Variants in WWTR1 observed in about 807,000 individuals in gnomAD.
WWTR1 encodes WW domain containing transcription regulator 1.
In WWTR1, 13 loss-of-function variants were observed where a neutral mutation model predicts 40.1. The ratio of observed to expected loss-of-function variants is 0.32; its 90% CI spans 0.21 to 0.52. The LOEUF (loss-of-function observed/expected upper bound fraction) is 0.52, where lower values mean the gene tolerates loss of function less well. Ranked by LOEUF, WWTR1 falls within the 20% of genes least tolerant of loss-of-function variation. The pLI is 0.97. For synonymous variants in WWTR1, 230 were observed against 210.1 expected (o/e 1.09, Z -0.82); for missense variants, 436 against 523.1 (o/e 0.83, Z 1.63).
chr3:149,528,030 G>A lies in WWTR1; in HGVS notation c.772-61C>T, dbSNP rs1576538003. The A allele has an allele frequency of 1.9e-6, 3 of 1,557,102 alleles. No homozygotes were observed. The East Asian group carries it at 6.8e-5, about 35-fold the overall frequency. On this transcript the variant is annotated intron_variant, in intron 4 of 6. Coordinates refer to ENST00000360632, the MANE Select transcript of WWTR1 (RefSeq NM_015472.6). ...ATTGTCACAAGGCATGGAGCAAAGT[G>A]TACTTCACATCAAAACTTTTCACCA...
At chr3:149,534,854 G>T (rs1365856158) in intron 4 of WWTR1, among the ~76,000 whole-genome samples, 2 of 152,206 alleles carry the variant, frequency 1.3e-5, no homozygotes, top group African/African-American at 4.8e-5. Context: ...GAGGACGGGT[G>T]ATGTGTAAAA....
upstream of WWTR1, among the ~76,000 whole-genome samples, chr3:149,704,997 C>T (rs4393851): frequency 0.85 from 129,586 of 151,998 alleles, 55,633 homozygotes; most frequent in African/African-American, 0.94. Context: ...GTTATAAGAA[C>T]AGGATGAAAT....
intron 3 of WWTR1, among the ~76,000 whole-genome samples, chr3:149,543,103 C>T (rs1427414533): frequency 6.6e-6 from 1 of 152,164 alleles, no homozygotes; most frequent in Non-Finnish European, 1.5e-5. Flanking sequence ...ATGAGCTAAA[C>T]TCAGGAACAA....
At chr3:149,542,854 A>T (rs1335461627) in intron 3 of WWTR1, among the ~76,000 whole-genome samples, 1 of 152,062 alleles carries the variant, frequency 6.6e-6, no homozygotes, top group Admixed American at 6.6e-5. Context: ...AAAGGTTATC[A>T]CAAGTTATGA....
chr3:149,535,190 T>C (rs1406940008), intron 4 of WWTR1, among the ~76,000 whole-genome samples: 2 of 151,302 alleles, frequency 1.3e-5, no homozygotes, highest in African/African-American at 4.9e-5. Flanking sequence ...CATGGAAGAT[T>C]GGATTGTTTT....
chr3:149,562,121 C>T (rs1737109320), intron 3 of WWTR1, among the ~76,000 whole-genome samples: 1 of 151,970 alleles, frequency 6.6e-6, no homozygotes, highest in South Asian at 2.1e-4. Flanking sequence ...ATGGTGAAAC[C>T]CTGTCTCTAC....
intron 2 of WWTR1, among the ~76,000 whole-genome samples, chr3:149,580,902 G>A (rs1208447134): frequency 6.6e-6 from 1 of 152,168 alleles, no homozygotes; most frequent in Non-Finnish European, 1.5e-5. Context: ...GTGAGCCACC[G>A]CGCCTGGCGA....
At chr3:149,680,817 G>T (rs960679687) in intron 1 of WWTR1, among the ~76,000 whole-genome samples, 2 of 152,156 alleles carry the variant, frequency 1.3e-5, no homozygotes, top group African/African-American at 4.8e-5. Context: ...ACTCCAGCCT[G>T]AATGACAGAG....
intron 1 of WWTR1, among the ~76,000 whole-genome samples, chr3:149,678,474 G>A (rs1184401104): frequency 1.3e-5 from 2 of 152,124 alleles, no homozygotes; most frequent in African/African-American, 2.4e-5. Flanking sequence ...GTTAATCACA[G>A]GAAGCAGTGA....
rs1713281227 is a variant in WWTR1, at chr3:149,657,069, C to G, written c.238G>C (p.Gly80Arg). The G allele has an allele frequency of 6.4e-7, 1 of 1,570,138 alleles. No individual in the cohort carries two copies. The highest frequency in any genetic ancestry group is 1.3e-5 in the African/African-American group (1 of 74,546). ...SGGHPGPRLA[G>R]GAQHVRSHSS... ...TGCGAGCGGACATGCTGGGCACCCC[C>G]AGCCAGTCGAGGCCCCGGGTGGCCG... is the stretch of plus-strand genomic sequence containing the variant. Residue 80 changes from glycine (G) to arginine (R), a missense_variant, in exon 2 of 7, where the codon GGG becomes CGG. By Grantham distance (125) the Gly-to-Arg change is moderately radical (BLOSUM62 -2). Transcript: ENST00000360632.
At position 149,723,377 on chromosome 3, in the gene WWTR1, G is replaced by A. The variant is rs552551462; in HGVS notation, n.459+703C>T. The stretch of plus-strand genomic sequence containing the variant: ...ATAATTTTGTATTTTTAGTAGAGAC[G>A]GGGTTTCTCCGTGTTGGTCAGGCTG... On this transcript the variant is annotated intron_variant and non_coding_transcript_variant, in intron 4 of 6. Coordinates refer to the WWTR1 transcript ENST00000474080. 1.5e-4 allele frequency among the ~76,000 whole-genome samples: 23 copies of A among 151,820 alleles called. No homozygotes were observed. The South Asian group carries it at 3.5e-3, about 23-fold the overall frequency.
At chr3:149,528,123 C>T (rs938421745) in intron 4 of WWTR1, among the ~76,000 whole-genome samples, 154 bp from the exon 5 acceptor site, 7 of 152,204 alleles carry the variant, frequency 4.6e-5, no homozygotes, top group Admixed American at 3.3e-4. Flanking sequence ...TATTCTTTCT[C>T]CGAAGAAAGT....
At chr3:149,559,071 A>T (rs780289134) in intron 3 of WWTR1, among the ~76,000 whole-genome samples, 1 of 152,204 alleles carries the variant, frequency 6.6e-6, no homozygotes, top group Non-Finnish European at 1.5e-5. Flanking sequence ...AGGCAGGCAG[A>T]TCACCTGAGG....
At chr3:149,537,228 C>T (rs141013165) in intron 4 of WWTR1, among the ~76,000 whole-genome samples, 79 of 152,168 alleles carry the variant, frequency 5.2e-4, no homozygotes, top group African/African-American at 1.9e-3. Flanking sequence ...AATTTATGTA[C>T]GGCCTGTTGT....
intron 2 of WWTR1, among the ~76,000 whole-genome samples, chr3:149,668,393 G>C (rs538303649): frequency 5.3e-4 from 80 of 152,172 alleles, no homozygotes; most frequent in African/African-American, 1.9e-3. Flanking sequence ...GATCACCTGA[G>C]GTCAGGAGTT....
intron 2 of WWTR1, among the ~76,000 whole-genome samples, chr3:149,630,181 G>A (rs1215646832): frequency 6.6e-6 from 1 of 152,014 alleles, no homozygotes; most frequent in East Asian, 1.9e-4. Flanking sequence ...AATCTTCGGT[G>A]CGTTTTTTTC....
intron 4 of WWTR1, among the ~76,000 whole-genome samples, chr3:149,541,387 C>T (rs1432701643): frequency 6.6e-6 from 1 of 152,218 alleles, no homozygotes; most frequent in East Asian, 1.9e-4. Flanking sequence ...CAACACACTC[C>T]TGACTGACGG....
At chr3:149,631,285 ACCT>A (rs1711541646) in intron 2 of WWTR1, among the ~76,000 whole-genome samples, 1 of 152,052 alleles carries the variant, frequency 6.6e-6, no homozygotes, top group African/African-American at 2.4e-5. Context: ...TGTTTCTAAA[ACCT>A]CCTTACTTTA....
chr3:149,556,574 G>T (rs548340089), intron 3 of WWTR1, among the ~76,000 whole-genome samples: 1 of 152,096 alleles, frequency 6.6e-6, no homozygotes, highest in Admixed American at 6.6e-5. Context: ...GTGAGATGCC[G>T]TCTCAAAAAC....
Sources: gnomAD v4.1 joint callset for allele counts (sites outside exome capture counted in the v4.1 genomes callset) on GRCh38, gnomAD v4.1.1 for gene constraint, MANE v1.5 for transcripts, NCBI Gene and HGNC (gene_info 2026-07-23, HGNC 2026-07-21) for gene names.